PPM1H: variants seen among roughly 807,000 people sequenced by gnomAD.
PPM1H encodes protein phosphatase, Mg2+/Mn2+ dependent 1H.
A neutral mutation model predicts 54.9 loss-of-function variants in PPM1H; 27 were observed. The ratio of observed to expected loss-of-function variants is 0.49; its 90% CI spans 0.36 to 0.68. The LOEUF (loss-of-function observed/expected upper bound fraction) is 0.68. Among genes scored for constraint, PPM1H ranks in the 30% least tolerant of loss-of-function variants. The probability of loss-of-function intolerance (pLI) is 0.00; values close to 1 mark genes in which losing one functional copy is unlikely to be tolerated. For synonymous variants in PPM1H, 305 were observed against 270.8 expected, an observed-to-expected ratio of 1.13 and a Z score of -1.24; for missense variants, 596 against 667.8, an observed-to-expected ratio of 0.89 and a Z score of 1.19.
At chr12:62,697,545 G>T (rs983156674) in intron 6 of PPM1H, among the ~76,000 whole-genome samples, 9 of 151,876 alleles carry the variant, frequency 5.9e-5, no homozygotes, top group African/African-American at 2.2e-4. Flanking sequence ...CACTTGGAAG[G>T]CCTGTCTGTT....
chr12:62,785,876 A>G (rs57286795), intron 4 of PPM1H, among the ~76,000 whole-genome samples: 3,587 of 150,584 alleles, frequency 0.024, 137 homozygotes, highest in African/African-American at 0.083. Context: ...AAAAAAAAAA[A>G]AGAGAGAAAA....
intron 4 of PPM1H, among the ~76,000 whole-genome samples, chr12:62,765,195 C>T (rs1458590485): frequency 6.6e-6 from 1 of 152,174 alleles, no homozygotes; most frequent in Non-Finnish European, 1.5e-5. Context: ...ACATGACCAA[C>T]AGCAGTGCAA....
intron 1 of PPM1H, among the ~76,000 whole-genome samples, chr12:62,879,037 C>G (rs1031956675): frequency 2.0e-5 from 3 of 152,202 alleles, no homozygotes; most frequent in Non-Finnish European, 4.4e-5. Flanking sequence ...GTGGATTCTG[C>G]TCTGTTGGAA....
At chr12:62,738,853 C>T (rs1458322341) in intron 4 of PPM1H, among the ~76,000 whole-genome samples, 1 of 152,120 alleles carries the variant, frequency 6.6e-6, no homozygotes, top group Non-Finnish European at 1.5e-5. Flanking sequence ...GCATCCCTCT[C>T]TCCCAGTGCA....
intron 4 of PPM1H, among the ~76,000 whole-genome samples, chr12:62,737,926 C>CTAG (rs771912501): frequency 1.3e-5 from 2 of 152,196 alleles, no homozygotes; most frequent in Non-Finnish European, 2.9e-5. Context: ...CAGAGTCTTG[C>CTAG]TCTAGCCCAG....
At chr12:62,853,974 A>G (rs1055737234) in intron 1 of PPM1H, among the ~76,000 whole-genome samples, 1 of 152,208 alleles carries the variant, frequency 6.6e-6, no homozygotes, top group Non-Finnish European at 1.5e-5. Flanking sequence ...ACGTCATTCA[A>G]ATTAACTTCC....
chr12:62,839,731 G>A (rs1358330230), intron 1 of PPM1H, among the ~76,000 whole-genome samples: 2 of 151,798 alleles, frequency 1.3e-5, no homozygotes, highest in African/African-American at 2.4e-5. Context: ...AGTCATTTAT[G>A]TTAGTTTTAG....
intron 6 of PPM1H, among the ~76,000 whole-genome samples, chr12:62,716,424 A>C (rs1470476922): frequency 6.6e-6 from 1 of 152,172 alleles, no homozygotes; most frequent in Non-Finnish European, 1.5e-5. Flanking sequence ...TAGCTCTTCC[A>C]ATAATTGTCA....
intron 4 of PPM1H, among the ~76,000 whole-genome samples, chr12:62,743,316 G>C (rs1054598974): frequency 1.3e-5 from 2 of 152,124 alleles, no homozygotes; most frequent in African/African-American, 4.8e-5. Flanking sequence ...CTGCACCACT[G>C]CACGCCAGCC....
chr12:62,802,108 C>G lies in PPM1H; in HGVS notation c.464G>C (p.Gly155Ala). 6.3e-7 allele frequency: 1 copy of G among 1,599,136 alleles called. No individual in the cohort carries two copies. The highest frequency in any genetic ancestry group is 8.5e-7 in the Non-Finnish European group (1 of 1,172,328). The change falls in exon 3 of 10, where the codon GGG becomes GCG. Residue 155 changes from glycine (G) to alanine (A), a missense_variant. By Grantham distance (60) the Gly-to-Ala change is moderately conservative (BLOSUM62 0). Around this residue, in one of 3 missense-constraint regions of PPM1H, gnomAD observed 382 missense variants for 387.1 expected, o/e 0.99. Transcript: ENST00000228705. ...TGACGCCACCACCGCGGCCCCGGAC[C>G]CCGCGTGCCCGTCAAACAGCGACCA... Reference protein sequence around the residue: ...HYWSLFDGHAGSGAAVVASRL... With the variant: ...HYWSLFDGHAASGAAVVASRL...
chr12:62,708,300 G>A (rs2076186605), intron 6 of PPM1H, among the ~76,000 whole-genome samples: 1 of 152,234 alleles, frequency 6.6e-6, no homozygotes, highest in African/African-American at 2.4e-5. Flanking sequence ...TGGCTCTCCA[G>A]CTCTTGTGTG....
At chr12:62,746,562 C>T (rs1022865726) in intron 4 of PPM1H, among the ~76,000 whole-genome samples, 1 of 152,150 alleles carries the variant, frequency 6.6e-6, no homozygotes, top group Non-Finnish European at 1.5e-5. Context: ...AAGCCACCTC[C>T]CCTTCATACA....
chr12:62,667,293 A>G lies in PPM1H; in HGVS notation c.1282T>C (p.Ser428Pro). 1.2e-6 allele frequency: 2 copies of G among 1,604,892 alleles called. No homozygotes were observed. Among genetic ancestry groups the G allele is most frequent in the South Asian group, 2.2e-5 (2 of 89,354 alleles). Reference sequence around the variant, plus strand: ...GTGGCCAAGATCAGCACATCATCTGATCCATGATCATATTTTGAAAGATCG... The same window carrying G: ...GTGGCCAAGATCAGCACATCATCTGGTCCATGATCATATTTTGAAAGATCG... ...IYDLSKYDHG[S>P]DDVLILATDG... Residue 428 changes from serine to proline, a missense_variant, in exon 9 of 10, where the codon TCA (serine) becomes CCA (proline). By Grantham distance (74) the Ser-to-Pro change is moderately conservative. This residue lies in a region of PPM1H where 208 missense variants were observed against 259.5 expected (regional missense o/e 0.80). Coordinates refer to ENST00000228705, the MANE Select transcript of PPM1H (RefSeq NM_020700.2).
chr12:62,742,580 A>T (rs879821713), intron 4 of PPM1H, among the ~76,000 whole-genome samples: 3 of 152,184 alleles, frequency 2.0e-5, no homozygotes, highest in Non-Finnish European at 2.9e-5. Context: ...TCATCACAGG[A>T]CCCCTGTACT....
chr12:62,669,943 A>G (rs2075945762), intron 8 of PPM1H, among the ~76,000 whole-genome samples: 1 of 148,460 alleles, frequency 6.7e-6, no homozygotes, highest in Admixed American at 6.7e-5. Flanking sequence ...TCTTTAAAAA[A>G]AAAATAGTGT....
intron 2 of PPM1H, among the ~76,000 whole-genome samples, chr12:62,814,536 T>C (rs1241136625): frequency 1.3e-5 from 2 of 152,208 alleles, no homozygotes; most frequent in Non-Finnish European, 2.9e-5. Context: ...TGTTTTTAAC[T>C]TACGATTTGG....
intron 1 of PPM1H, among the ~76,000 whole-genome samples, chr12:62,880,827 C>G (rs533312368): frequency 2.6e-5 from 4 of 152,236 alleles, no homozygotes; most frequent in Admixed American, 6.5e-5. Context: ...GCCCTGCTAC[C>G]CCAGATGATC....
chr12:62,822,057 G>A (rs1185258325), intron 2 of PPM1H, among the ~76,000 whole-genome samples: 1 of 151,684 alleles, frequency 6.6e-6, no homozygotes, highest in Non-Finnish European at 1.5e-5. Flanking sequence ...AGGTATGCAG[G>A]AAGATCTACC....
chr12:62,708,007 G>A (rs1043633397), intron 6 of PPM1H, among the ~76,000 whole-genome samples: 2 of 152,154 alleles, frequency 1.3e-5, no homozygotes, highest in Non-Finnish European at 2.9e-5. Context: ...ACCAGGTGAA[G>A]AACAAAAAGT....
Sources: allele counts gnomAD v4.1 joint callset (sites outside exome capture counted in the v4.1 genomes callset), GRCh38; gene constraint gnomAD v4.1.1; regional missense constraint gnomAD v4.1.1; transcripts MANE v1.5; gene names NCBI Gene and HGNC (gene_info 2026-07-23, HGNC 2026-07-21).